Variants in PPWD1 observed in about 807,000 individuals in gnomAD.
The protein encoded by PPWD1 is peptidylprolyl isomerase domain and WD repeat-containing protein 1.
Under a neutral mutation model 68.8 loss-of-function variants are expected in PPWD1, and 43 were observed. The observed-to-expected ratio is 0.62, with a 90% CI of 0.49 to 0.81. PPWD1 has a LOEUF of 0.81. Among genes scored for constraint, PPWD1 ranks in the 30% least tolerant of loss-of-function variants. PPWD1 has a pLI of 0.00. For synonymous variants in PPWD1, 232 were observed against 258.7 expected, an observed-to-expected ratio of 0.90 and a Z score of 0.99; for missense variants, 672 against 804.8, an observed-to-expected ratio of 0.83 and a Z score of 2.00.
intron 7 of PPWD1, 49 bp from the exon 8 acceptor site, chr5:65,582,989 C>A: frequency 7.0e-7 from 1 of 1,432,592 alleles, no homozygotes; most frequent in Non-Finnish European, 9.2e-7. Context: ...AAATTTTTAC[C>A]AGATGAAAAC....
intron 1 of PPWD1, among the ~76,000 whole-genome samples, chr5:65,566,338 C>T (rs949085454): frequency 6.6e-6 from 1 of 152,238 alleles, no homozygotes; most frequent in Non-Finnish European, 1.5e-5. Context: ...CAGCCCTCAT[C>T]TTCATTTCTC....
At chr5:65,582,791 C>G in intron 7 of PPWD1, 1 of 320,680 alleles carries the variant, frequency 3.1e-6, no homozygotes, top group Non-Finnish European at 5.2e-6. Context: ...AAATTTCTAA[C>G]CAAAGAAATT....
At chr5:65,583,822 C>T (rs1180472886) in intron 8 of PPWD1, among the ~76,000 whole-genome samples, 2 of 152,146 alleles carry the variant, frequency 1.3e-5, no homozygotes, top group Middle Eastern at 3.4e-3. Context: ...CATGGTGGCA[C>T]GCACCTGTAT....
chr5:65,570,053 A>G, intron 4 of PPWD1, 55 bp downstream of exon 4: 1 of 1,462,888 alleles, frequency 6.8e-7, no homozygotes, highest in Non-Finnish European at 9.4e-7. Context: ...TTTGTAAATC[A>G]GACTTTACCA....
At chr5:65,575,162 A>T (rs998924271) in intron 5 of PPWD1, among the ~76,000 whole-genome samples, 48 of 152,242 alleles carry the variant, frequency 3.2e-4, no homozygotes, top group African/African-American at 1.2e-3. Context: ...TCTGAAAAAG[A>T]TTCTGATCAG....
At chr5:65,564,226 T>C (rs922373839) in intron 1 of PPWD1, among the ~76,000 whole-genome samples, 14 of 152,248 alleles carry the variant, frequency 9.2e-5, no homozygotes, top group African/African-American at 3.4e-4. Context: ...TTTCCTTAAG[T>C]ATTTAAGACA....
chr5:65,584,879 A>G (rs998243591), intron 8 of PPWD1, 135 bp from the exon 9 acceptor site: 1 of 1,112,176 alleles, frequency 9.0e-7, no homozygotes, highest in Non-Finnish European at 1.1e-6. Context: ...AGAGATTATG[A>G]AAAAAAAAAA....
At chr5:65,578,152 C>G (rs1190474508) in intron 6 of PPWD1, among the ~76,000 whole-genome samples, 2 of 152,188 alleles carry the variant, frequency 1.3e-5, no homozygotes, top group African/African-American at 2.4e-5. Flanking sequence ...TAAGTTTCCT[C>G]CATGCCTCAC....
Position 65,579,591 on chromosome 5 carries a change from T to G in PPWD1, c.1328T>G (p.Phe443Cys). 2.5e-6 allele frequency: 4 copies of G among 1,575,798 alleles called. No homozygotes were observed. The change falls in exon 7 of 11, where the codon TTC (phenylalanine) becomes TGC (cysteine). Residue 443 changes from phenylalanine (F) to cysteine (C), a missense_variant. Physicochemically the swap from Phe to Cys is radical, Grantham distance 205. Transcript: ENST00000261308. ...GACCCAACAATAGTCTGTACATCAT[T>G]CAAAAAGAATAGATTTTATATGGTA... ...QADPTIVCTS[F>C]KKNRFYMFTK...
chr5:65,572,331 GCTTT>G, intron 5 of PPWD1, 45 bp downstream of exon 5: 3 of 1,497,206 alleles, frequency 2.0e-6, no homozygotes, highest in Non-Finnish European at 1.8e-6. Flanking sequence ...TTCTAAAAAT[GCTTT>G]ATTTTATGCC....
intron 7 of PPWD1, among the ~76,000 whole-genome samples, chr5:65,580,048 C>T (rs997710639): frequency 1.2e-4 from 18 of 152,090 alleles, no homozygotes; most frequent in African/African-American, 4.3e-4. Context: ...ATGGTGCTAC[C>T]TTGGAATTAT....
intron 2 of PPWD1, among the ~76,000 whole-genome samples, chr5:65,568,289 AG>A (rs1752864954): frequency 6.6e-6 from 1 of 152,152 alleles, no homozygotes; most frequent in Admixed American, 6.5e-5. Flanking sequence ...TACTATGCTA[AG>A]GCTTTTTCTT....
chr5:65,587,286 C>A lies in PPWD1; in HGVS notation c.1831C>A (p.Arg611=), dbSNP rs139695220. Residue 611 remains arginine (R), a synonymous_variant, in exon 11 of 11, where the codon CGA becomes AGA. Coordinates refer to ENST00000261308, the MANE Select transcript of PPWD1 (RefSeq NM_015342.4). ...WLDNKHTVFG[R]VTKGMEVVQR... is the part of the protein sequence containing the mutation. Reference sequence around the variant, plus strand: ...TGATAATAAGCATACAGTATTTGGACGAGTGACTAAAGGAATGGAAGTTGT... The same window carrying A: ...TGATAATAAGCATACAGTATTTGGAAGAGTGACTAAAGGAATGGAAGTTGT... The A allele has an allele frequency of 4.3e-6, 7 of 1,611,452 alleles. No individual in the cohort carries two copies. The highest frequency in any genetic ancestry group is 5.1e-6 in the Non-Finnish European group (6 of 1,178,104).
chr5:65,563,972 C>A, intron 1 of PPWD1: 2 of 801,290 alleles, frequency 2.5e-6, no homozygotes, highest in Non-Finnish European at 4.0e-6. Flanking sequence ...TCAACTCTGA[C>A]ACTTCCACTA....
intron 1 of PPWD1, among the ~76,000 whole-genome samples, chr5:65,566,744 T>A (rs1271062022): frequency 6.6e-6 from 1 of 150,754 alleles, no homozygotes; most frequent in Non-Finnish European, 1.5e-5. Context: ...CTTCTCTCCC[T>A]CCCTCCCTTC....
chr5:65,578,740 A>AC (rs1753431819), intron 6 of PPWD1, among the ~76,000 whole-genome samples: 1 of 83,326 alleles, frequency 1.2e-5, no homozygotes, highest in Non-Finnish European at 2.7e-5. Context: ...ATATACATAT[A>AC]TATATACACA....
intron 10 of PPWD1, 59 bp downstream of exon 10, chr5:65,586,240 G>A (rs1201772435): frequency 6.8e-7 from 1 of 1,474,058 alleles, no homozygotes; most frequent in Non-Finnish European, 9.2e-7. Flanking sequence ...GTAAGAGAGT[G>A]AACTCAGTAG....
chr5:65,579,100 G>C (rs1303375228), intron 6 of PPWD1, among the ~76,000 whole-genome samples: 2 of 151,768 alleles, frequency 1.3e-5, no homozygotes, highest in Non-Finnish European at 2.9e-5. Context: ...TATTTTTAAT[G>C]GCGATGGGGT....
chr5:65,563,343 G>A lies in PPWD1; in HGVS notation c.33G>A (p.Gln11=). ...CGGAAAGTGGTAGCGATTTTCAGCA[G>A]AGACGTAGAAGGCGCCGGGACCCGG... is the stretch of plus-strand genomic sequence containing the variant. MAAESGSDFQ[Q]RRRRRRDPEE... is the part of the protein sequence containing the mutation. The change falls in exon 1 of 11, where the codon CAG becomes CAA. Residue 11 remains glutamine, a synonymous_variant. Transcript: ENST00000261308. 1 of 1,614,012 alleles carries A rather than the reference G, an allele frequency of 6.2e-7. No homozygotes were observed. The highest frequency in any genetic ancestry group is 8.5e-7 in the Non-Finnish European group (1 of 1,179,984).
Sources: gnomAD v4.1 joint callset for allele counts (sites outside exome capture counted in the v4.1 genomes callset) on GRCh38, gnomAD v4.1.1 for gene constraint, MANE v1.5 for transcripts, NCBI Gene and HGNC (gene_info 2026-07-23, HGNC 2026-07-21) for gene names.